The following PRSS57 variants were observed in gnomAD, a reference collection of about 807,000 sequenced individuals.
PRSS57 encodes the protein serine protease 57, also known as neutrophil serine protease 4.
PRSS57 carries 19 observed loss-of-function variants against 20.6 expected under a neutral mutation model. The observed-to-expected ratio is 0.92, with a 90% CI of 0.64 to 1.35. The LOEUF is 1.35. Ranked by LOEUF, PRSS57 falls within the 40% of genes most tolerant of loss-of-function variation. PRSS57 has a pLI of 0.00. For synonymous variants in PRSS57, 203 were observed against 176.6 expected (o/e 1.15, Z -1.19); for missense variants, 440 against 403.7 (o/e 1.09, Z -0.77).
intron 4 of PRSS57, among the ~76,000 whole-genome samples, chr19:686,181 G>A (rs12611332): frequency 0.39 from 59,937 of 151,812 alleles, 12,517 homozygotes; most frequent in African/African-American, 0.51. Context: ...CTGCCTGTGT[G>A]AACATTCGAG....
rs775046449 is a variant in PRSS57, at chr19:685,738, C to T, written c.827G>A (p.Arg276Lys). The change falls in exon 5 of 5, where the codon AGG becomes AAG. Residue 276 changes from arginine to lysine, a missense_variant. Transcript: ENST00000329267. ...PQPGPLPGTTRPPGEAA is the reference protein window; with the variant it reads ...PQPGPLPGTTKPPGEAA ...GGCTCAGGCGGCTTCTCCTGGGGGC[C>T]TGGTGGTCCCAGGCAGGGGGCCGGG... is the stretch of plus-strand genomic sequence containing the variant. The T allele has an allele frequency of 6.4e-7, 1 of 1,553,314 alleles. No homozygotes were observed. Among genetic ancestry groups the T allele is most frequent in the Non-Finnish European group, 8.7e-7 (1 of 1,144,590 alleles).
intron 1 of PRSS57, 29 bp from the exon 2 acceptor site, chr19:694,996 C>G (rs755280959): frequency 1.3e-6 from 2 of 1,493,530 alleles, no homozygotes; most frequent in Non-Finnish European, 1.8e-6. Flanking sequence ...GAGTCAGGGA[C>G]GAGGCGGGAG....
Position 687,138 on chromosome 19 carries a change from T to TGA in PRSS57, c.428_429insTC (p.Gly144GlnfsTer32). On this transcript the variant is annotated frameshift_variant, in exon 4 of 5. Coordinates refer to ENST00000329267, the MANE Select transcript of PRSS57 (RefSeq NM_001308209.2). LOFTEE classifies it high-confidence loss of function. ...CTGTGGGGGGCCTGGCCCTTCTCCC[T>TGA]GGCGGCCTCAGCAGCCCCACTGCAG... The TGA allele has an allele frequency of 6.2e-7, 1 of 1,604,826 alleles. No individual in the cohort carries two copies. Among genetic ancestry groups the TGA allele is most frequent in the South Asian group, 1.1e-5 (1 of 90,076 alleles).
At chr19:690,277 C>G in intron 3 of PRSS57, 1 of 75,662 alleles carries the variant, frequency 1.3e-5, no homozygotes, top group South Asian at 3.4e-4. Flanking sequence ...TGCTACTGCA[C>G]TCCAGCCTGG....
chr19:690,902 T>C (rs8100936), intron 3 of PRSS57: 189,564 of 415,950 alleles, frequency 0.46, 46,607 homozygotes, highest in Middle Eastern at 0.56. Flanking sequence ...GATCCCCGTG[T>C]CCGGGGCGCT....
rs1355909170 is a variant in PRSS57, at chr19:685,866, G to C, written c.699C>G (p.Phe233Leu). 6.4e-7 allele frequency: 1 copy of C among 1,557,444 alleles called. No homozygotes were observed. Among genetic ancestry groups the C allele is most frequent in the Non-Finnish European group, 8.7e-7 (1 of 1,151,062 alleles). Reference protein sequence around the residue: ...CRNRAHGLVSFSGLWCGDPKT... With the variant: ...CRNRAHGLVSLSGLWCGDPKT... ...TGGGGTCGCCGCACCAGAGGCCCGA[G>C]AAGGAAACGAGGCCGTGAGCCCGGT... The change falls in exon 5 of 5, where the codon TTC (phenylalanine) becomes TTG (leucine). Residue 233 changes from phenylalanine to leucine, a missense_variant. Phe to Leu is a conservative substitution (Grantham distance 22). Coordinates refer to ENST00000329267, the MANE Select transcript of PRSS57 (RefSeq NM_001308209.2).
rs11451021 is a variant in PRSS57, at chr19:688,602, C to CTTTTT, written c.379-1419_379-1415dup. 5.2e-4 allele frequency among the ~76,000 whole-genome samples: 57 copies of CTTTTT among 110,182 alleles called. 4 individuals are homozygous for CTTTTT. Among genetic ancestry groups the CTTTTT allele is most frequent in the African/African-American group, 1.3e-3 (34 of 26,150 alleles). The allele number at this position is 110,182 out of a possible 152,430, so 72.3% of individuals were successfully genotyped here. A position where few individuals can be genotyped will look rare whatever the true frequency, so the allele number is the denominator to read the frequency against. On this transcript the variant is annotated intron_variant, in intron 3 of 4. Coordinates refer to ENST00000329267, the MANE Select transcript of PRSS57 (RefSeq NM_001308209.2). The stretch of plus-strand genomic sequence containing the variant: ...CCACCCGGAGGACTCCACCCAGGGA[C>CTTTTT]TTTTTTTTTTTTTTCAGATGGAGTC...
rs1281677675 is a variant in PRSS57 at position 685,921 on chromosome 19, G to T, written c.644C>A (p.Ala215Asp). The T allele has an allele frequency of 2.6e-6, 4 of 1,536,752 alleles. No individual in the cohort carries two copies. The highest frequency in any genetic ancestry group is 3.5e-6 in the Non-Finnish European group (4 of 1,138,022). ...GDSHRRGFCS[A>D]DSGGPLVCRN... is the part of the protein sequence containing the mutation. The stretch of plus-strand genomic sequence containing the variant: ...GCACACCAGGGGCCCTCCGGAGTCG[G>T]CCTGGAGTGAAAGGAGAGGTGAGGT... Residue 215 changes from alanine to aspartate, a missense_variant and splice_region_variant, in exon 5 of 5, where the codon GCC (alanine) becomes GAC (aspartate). Coordinates refer to ENST00000329267, the MANE Select transcript of PRSS57 (RefSeq NM_001308209.2).
Position 686,915 on chromosome 19 carries a change from G to A in PRSS57, c.642+10C>T. ...CACAGTAAGTGGGTGGAGCAGGGAG[G>A]GGATCTTACCGAGCAGAAGCCCCGT... On this transcript the variant is annotated intron_variant, in intron 4 of 4. Transcript: ENST00000329267. 1 of 1,610,918 alleles carries A rather than the reference G, an allele frequency of 6.2e-7. No homozygotes were observed. The highest frequency in any genetic ancestry group is 8.5e-7 in the Non-Finnish European group (1 of 1,177,940).
In PRSS57 at chr19:691,910, G is replaced by C; in HGVS notation, c.326C>G (p.Thr109Arg). ...GGTCATGGGGTGGTAGTCGGGGTGTGTGGTGAGAGCATCGATGCCAAACAC... is the reference window on the plus strand; with the variant it reads ...GGTCATGGGGTGGTAGTCGGGGTGTCTGGTGAGAGCATCGATGCCAAACAC... The part of the protein sequence containing the change: ...QQVFGIDALT[T>R]HPDYHPMTHA... Residue 109 changes from threonine to arginine, a missense_variant, in exon 3 of 5, where the codon ACA (threonine) becomes AGA (arginine). Coordinates refer to ENST00000329267, the MANE Select transcript of PRSS57 (RefSeq NM_001308209.2). The C allele has an allele frequency of 1.5e-6, 2 of 1,337,672 alleles. No individual in the cohort carries two copies. The highest frequency in any genetic ancestry group is 1.9e-6 in the Non-Finnish European group (2 of 1,034,754). 82.9% of individuals were successfully genotyped at this position (1,337,672 alleles called of 1,614,324 possible).
In PRSS57 at chr19:685,549, A is replaced by G; in HGVS notation, c.*167T>C. 1.6e-6 allele frequency: 1 copy of G among 644,358 alleles called. No homozygotes were observed. Among genetic ancestry groups the G allele is most frequent in the South Asian group, 2.1e-5 (1 of 46,654 alleles). The allele number at this position is 644,358 out of a possible 1,614,324, so 39.9% of individuals were successfully genotyped here. ...CCGCCCACGGGTGAGGCTGGAAGTC[A>G]GTTAACATTTTACTGGGTTTGCTTC... On this transcript the variant is annotated 3_prime_UTR_variant, in exon 5 of 5. Coordinates refer to ENST00000329267, the MANE Select transcript of PRSS57 (RefSeq NM_001308209.2).
intron 3 of PRSS57, chr19:691,147 G>A (rs1045748516): frequency 1.4e-5 from 3 of 210,062 alleles, no homozygotes; most frequent in African/African-American, 4.6e-5. Flanking sequence ...CCGTGCAGAC[G>A]CCCGGCTCCA....
chr19:695,363 A>G lies in PRSS57; in HGVS notation c.68T>C (p.Val23Ala). Residue 23 changes from valine to alanine, a missense_variant, in exon 1 of 5, where the codon GTG becomes GCG. Physicochemically the swap from Val to Ala is moderately conservative, Grantham distance 64. Transcript: ENST00000329267. ...GGGGGGCTCCTCACCGGGGGGCTTC[A>G]CGGGCAGCATCAGGGCGGTGGCCAC... ...LTVATALMLP[V>A]KPPGSWGAQI... 7.8e-7 allele frequency: 1 copy of G among 1,277,434 alleles called. No individual in the cohort carries two copies. The highest frequency in any genetic ancestry group is 9.9e-7 in the Non-Finnish European group (1 of 1,007,610). 79.1% of individuals were successfully genotyped at this position (1,277,434 alleles called of 1,614,324 possible). A position where few individuals can be genotyped will look rare whatever the true frequency, so the allele number is the denominator to read the frequency against.
At chr19:694,764 C>A in intron 2 of PRSS57, 50 bp downstream of exon 2, 1 of 1,552,058 alleles carries the variant, frequency 6.4e-7, no homozygotes, top group Non-Finnish European at 8.7e-7. Flanking sequence ...GAGTCCCCCT[C>A]ATGTCGGGAT....
intron 2 of PRSS57, 39 bp downstream of exon 2, chr19:694,775 A>G: frequency 1.3e-6 from 2 of 1,578,766 alleles, no homozygotes; most frequent in Non-Finnish European, 1.7e-6. Flanking sequence ...ATGTCGGGAT[A>G]CGGTGTCCAG....
chr19:690,889 C>T, intron 3 of PRSS57: 1 of 397,456 alleles, frequency 2.5e-6, no homozygotes, highest in Non-Finnish European at 4.7e-6. Context: ...CGCTGGTGTG[C>T]CTGATCCCCG....
At chr19:687,694 C>A (rs377222140) in intron 3 of PRSS57, among the ~76,000 whole-genome samples, 1 of 152,266 alleles carries the variant, frequency 6.6e-6, no homozygotes, top group South Asian at 2.1e-4. Flanking sequence ...AGTGAGCCGC[C>A]GCGCCCAGCC....
At chr19:693,922 A>G (rs958716697) in intron 2 of PRSS57, among the ~76,000 whole-genome samples, 8 of 151,948 alleles carry the variant, frequency 5.3e-5, no homozygotes, top group South Asian at 2.1e-4. Flanking sequence ...TTGTATTTTT[A>G]GTAGAGATGG....
Position 685,695 on chromosome 19 carries a change from T to C in PRSS57, c.*21A>G. ...CCAGGCCTGGAGCGGCCATCTCATT[T>C]GCATGCCGCAAGGTTGTGGCTCAGG... On this transcript the variant is annotated 3_prime_UTR_variant, in exon 5 of 5. Coordinates refer to ENST00000329267, the MANE Select transcript of PRSS57 (RefSeq NM_001308209.2). The C allele has an allele frequency of 1.3e-6, 2 of 1,504,722 alleles. No individual in the cohort carries two copies. Among genetic ancestry groups the C allele is most frequent in the Admixed American group, 2.1e-5 (1 of 47,206 alleles). 93.2% of individuals were successfully genotyped at this position (1,504,722 alleles called of 1,614,324 possible).
Sources: gnomAD v4.1 joint callset for allele counts (sites outside exome capture counted in the v4.1 genomes callset) on GRCh38, gnomAD v4.1.1 for gene constraint, MANE v1.5 for transcripts, NCBI Gene and HGNC (gene_info 2026-07-23, HGNC 2026-07-21) for gene names.